NELL1: variants seen among roughly 807,000 people sequenced by gnomAD.
The protein encoded by NELL1 is neural EGFL like 1, also known as protein kinase C-binding protein NELL1.
NELL1 carries 76 observed loss-of-function variants against 107.4 expected under a neutral mutation model. The ratio of observed to expected loss-of-function variants is 0.71; its 90% confidence interval spans 0.59 to 0.86. NELL1 has a LOEUF of 0.86. NELL1 is among the 40% of genes least tolerant of loss of function. The pLI, the probability that NELL1 is intolerant of heterozygous loss-of-function variation, is 0.00. For missense variants in NELL1, 1,024 were observed against 1,005.5 expected (o/e 1.02, Z -0.25); for synonymous variants, 353 against 341.2 (o/e 1.03, Z -0.38).
intron 14 of NELL1, among the ~76,000 whole-genome samples, chr11:21,306,196 G>A (rs78408603): frequency 0.019 from 2,872 of 152,028 alleles, 103 homozygotes; most frequent in African/African-American, 0.066. Flanking sequence ...TACACAAAAA[G>A]CCAAGTCTCA....
intron 2 of NELL1, among the ~76,000 whole-genome samples, chr11:20,749,230 G>C (rs1856078817): frequency 6.6e-6 from 1 of 152,158 alleles, no homozygotes; most frequent in African/African-American, 2.4e-5. Flanking sequence ...CTGGGACTAT[G>C]GCGGGCGAGA....
intron 15 of NELL1, among the ~76,000 whole-genome samples, chr11:21,479,450 T>G (rs1854433297): frequency 6.6e-6 from 1 of 152,114 alleles, no homozygotes; most frequent in South Asian, 2.1e-4. Context: ...AAAGGCAAAC[T>G]TCTCATATTC....
chr11:21,345,867 C>A (rs779017630), intron 14 of NELL1, among the ~76,000 whole-genome samples: 3 of 152,128 alleles, frequency 2.0e-5, no homozygotes, highest in Non-Finnish European at 4.4e-5. Flanking sequence ...ATAACTGGCA[C>A]CTTCATATCA....
chr11:21,260,773 T>G (rs1390413915), intron 14 of NELL1: 1 of 151,866 alleles, frequency 6.6e-6, no homozygotes, highest in Non-Finnish European at 1.5e-5. Flanking sequence ...AAATTTTAAC[T>G]TATACTCATA....
chr11:21,554,909 A>G (rs983706524), intron 16 of NELL1, among the ~76,000 whole-genome samples: 3 of 151,908 alleles, frequency 2.0e-5, no homozygotes. Context: ...TGCCAGGCAA[A>G]CTGGTATCCG....
At chr11:20,783,190 G>A (rs1362757487) in intron 2 of NELL1, among the ~76,000 whole-genome samples, 1 of 152,190 alleles carries the variant, frequency 6.6e-6, no homozygotes, top group Non-Finnish European at 1.5e-5. Context: ...GAAGGAAGCT[G>A]TGTCCATGGA....
chr11:20,798,631 G>T (rs1564913502), intron 3 of NELL1, among the ~76,000 whole-genome samples: 1 of 152,176 alleles, frequency 6.6e-6, no homozygotes, highest in African/African-American at 2.4e-5. Context: ...GCTGATGAAA[G>T]ATAGATTTAA....
At chr11:21,272,200 A>C (rs1413625747) in intron 14 of NELL1, among the ~76,000 whole-genome samples, 8 of 152,174 alleles carry the variant, frequency 5.3e-5, no homozygotes, top group Admixed American at 5.2e-4. Context: ...GGTCACTCCC[A>C]CCCTAATACT....
chr11:21,032,256 G>A (rs1852980671), intron 12 of NELL1, among the ~76,000 whole-genome samples: 1 of 151,934 alleles, frequency 6.6e-6, no homozygotes, highest in African/African-American at 2.4e-5. Flanking sequence ...AACTTCACTG[G>A]CTTTGAAGTT....
intron 15 of NELL1, among the ~76,000 whole-genome samples, chr11:21,530,253 T>TC (rs1855959881): frequency 6.6e-6 from 1 of 152,138 alleles, no homozygotes; most frequent in Non-Finnish European, 1.5e-5. Context: ...TAACTATTAG[T>TC]ATGAAATACG....
In NELL1 at chr11:21,195,041, T is replaced by C. The variant is rs1857124034; in HGVS notation, c.1427-34291T>C. ...GGTTTAATTCTTGGACTTTTCTTTATTAATTTAGGAAACTAATGTCTCTGA... is the reference window on the plus strand; with the variant it reads ...GGTTTAATTCTTGGACTTTTCTTTACTAATTTAGGAAACTAATGTCTCTGA... On this transcript the variant is annotated intron_variant, in intron 13 of 19. Transcript: ENST00000357134. 2.0e-5 allele frequency among the ~76,000 whole-genome samples: 3 copies of C among 152,156 alleles called. No homozygotes were observed. The South Asian group carries it at 6.2e-4, about 32-fold the overall frequency.
At chr11:21,535,759 G>C (rs1856121312) in intron 16 of NELL1, among the ~76,000 whole-genome samples, 1 of 152,102 alleles carries the variant, frequency 6.6e-6, no homozygotes, top group Non-Finnish European at 1.5e-5. Flanking sequence ...TGATAATTGA[G>C]TTAATATCTG....
intron 9 of NELL1, chr11:20,935,826 A>T (rs1472697545): frequency 1.3e-5 from 2 of 152,440 alleles, no homozygotes; most frequent in Non-Finnish European, 2.9e-5. Flanking sequence ...GGGGACATTG[A>T]TAGGATTTGG....
chr11:21,058,402 G>A (rs1489522735), intron 12 of NELL1, among the ~76,000 whole-genome samples: 3 of 152,142 alleles, frequency 2.0e-5, no homozygotes, highest in African/African-American at 7.2e-5. Context: ...TGAAACAAAT[G>A]TTTGGTTTAG....
intron 13 of NELL1, among the ~76,000 whole-genome samples, chr11:21,142,041 G>A (rs910499471): frequency 6.6e-6 from 1 of 152,126 alleles, no homozygotes; most frequent in Non-Finnish European, 1.5e-5. Context: ...TGGGATTATA[G>A]GCATGAGCCA....
At chr11:21,110,551 G>A (rs1387491488) in intron 12 of NELL1, among the ~76,000 whole-genome samples, 2 of 152,126 alleles carry the variant, frequency 1.3e-5, no homozygotes, top group Non-Finnish European at 2.9e-5. Context: ...GATGGCCTAA[G>A]AAAAATGAGC....
intron 15 of NELL1, among the ~76,000 whole-genome samples, chr11:21,459,279 A>G (rs1432806458): frequency 6.6e-6 from 1 of 151,162 alleles, no homozygotes; most frequent in Admixed American, 6.6e-5. Flanking sequence ...ATGTGCTATA[A>G]ATGAAGTAAC....
chr11:21,154,515 C>T (rs1856188714), intron 13 of NELL1, among the ~76,000 whole-genome samples: 1 of 152,120 alleles, frequency 6.6e-6, no homozygotes, highest in Admixed American at 6.6e-5. Context: ...ATGAATAAAC[C>T]ACAGTCTTTT....
intron 13 of NELL1, among the ~76,000 whole-genome samples, chr11:21,161,276 G>T (rs993434131): frequency 6.6e-6 from 1 of 152,184 alleles, no homozygotes; most frequent in Non-Finnish European, 1.5e-5. Flanking sequence ...GGTGGCTCAT[G>T]TCCATAATAC....
Sources: gnomAD v4.1 joint callset for allele counts (sites outside exome capture counted in the v4.1 genomes callset) on GRCh38, gnomAD v4.1.1 for gene constraint, MANE v1.5 for transcripts, NCBI Gene and HGNC (gene_info 2026-07-23, HGNC 2026-07-21) for gene names.